The following THADA variants were observed in gnomAD, a reference collection of about 807,000 sequenced individuals.
The protein encoded by THADA is tRNA (32-2'-O)-methyltransferase regulator THADA.
Under a neutral mutation model 219.8 loss-of-function variants are expected in THADA, and 213 were observed. The observed-to-expected ratio is 0.97, with a 90% CI of 0.87 to 1.09. The LOEUF (loss-of-function observed/expected upper bound fraction) is 1.09. Ranked by LOEUF, THADA falls within the 50% of genes least tolerant of loss-of-function variation. The pLI, the probability that THADA is intolerant of heterozygous loss-of-function variation, is 0.00. For missense variants in THADA, 2,956 were observed against 2,311.3 expected (o/e 1.28, Z -5.72); for synonymous variants, 1,018 against 828.9 (o/e 1.23, Z -3.92).
At chr2:43,279,031 T>G (rs1488637923) in intron 36 of THADA, among the ~76,000 whole-genome samples, 2 of 152,208 alleles carry the variant, frequency 1.3e-5, no homozygotes, top group African/African-American at 4.8e-5. Flanking sequence ...CCCTCCCAGA[T>G]GGCCACTTGT....
chr2:43,334,145 G>A (rs566515888), intron 30 of THADA, among the ~76,000 whole-genome samples: 2 of 152,224 alleles, frequency 1.3e-5, no homozygotes, highest in East Asian at 3.9e-4. Flanking sequence ...GGCCCTTCAG[G>A]AGCACACCAC....
intron 15 of THADA, chr2:43,565,970 C>A: frequency 6.5e-6 from 1 of 153,412 alleles, no homozygotes; most frequent in Non-Finnish European, 1.4e-5. Context: ...CGCCTGAAGT[C>A]CCAGCTACTC....
intron 17 of THADA, chr2:43,556,021 A>G (rs1239440137): frequency 3.1e-6 from 1 of 326,548 alleles, no homozygotes; most frequent in Non-Finnish European, 4.6e-6. Flanking sequence ...GAAACAATAA[A>G]GATGGTCTGT....
chr2:43,374,359 T>C (rs1172503673), intron 29 of THADA, among the ~76,000 whole-genome samples: 2 of 152,224 alleles, frequency 1.3e-5, no homozygotes, highest in Non-Finnish European at 2.9e-5. Context: ...TTTCTAGCTA[T>C]ATGAGCCTCA....
intron 30 of THADA, among the ~76,000 whole-genome samples, chr2:43,335,267 T>G (rs776984439): frequency 6.6e-6 from 1 of 152,056 alleles, no homozygotes; most frequent in Non-Finnish European, 1.5e-5. Context: ...ATAAAAACAC[T>G]GGATAGATGG....
rs147651800 is a variant in THADA, at chr2:43,388,049, A to G, written c.4227+9922T>C. On this transcript the variant is annotated intron_variant, in intron 29 of 37. Coordinates refer to ENST00000405975, the MANE Select transcript of THADA (RefSeq NM_022065.5). ...TAGTAACTCAAATACGTTGGGTGCC[A>G]TAAATATATCTAAGAGCTATAGCAC... Among the ~76,000 whole-genome samples, 245 of 152,358 alleles carry G rather than the reference A, an allele frequency of 1.6e-3. 1 individual carries two copies. The highest frequency in any genetic ancestry group is 5.8e-3 in the African/African-American group (241 of 41,584).
In THADA at chr2:43,578,500, G is replaced by C. The variant is rs761117475; in HGVS notation, c.816+13C>G. The C allele has an allele frequency of 2.8e-5, 44 of 1,587,618 alleles. No homozygotes were observed. Among genetic ancestry groups the C allele is most frequent in the Non-Finnish European group, 3.4e-5 (39 of 1,157,936 alleles). On this transcript the variant is annotated intron_variant, in intron 9 of 37. Coordinates refer to ENST00000405975, the MANE Select transcript of THADA (RefSeq NM_022065.5). The stretch of plus-strand genomic sequence containing the variant: ...CTCAATAAAGTACAATTCTAAAAAG[G>C]AGATGCACTTACCAAATGAGGAATC...
chr2:43,400,460 T>A (rs1318582614), intron 28 of THADA, among the ~76,000 whole-genome samples: 1 of 138,972 alleles, frequency 7.2e-6, no homozygotes, highest in African/African-American at 2.8e-5. Context: ...GACAAATTTA[T>A]ATATATATAT....
intron 26 of THADA, among the ~76,000 whole-genome samples, chr2:43,457,735 T>A (rs184421447): frequency 4.4e-4 from 67 of 152,320 alleles, no homozygotes; most frequent in African/African-American, 1.5e-3. Flanking sequence ...AACACTTTTT[T>A]CTTTTGTCCA....
At chr2:43,234,856 A>G (rs1316896431) in intron 36 of THADA, among the ~76,000 whole-genome samples, 1 of 152,116 alleles carries the variant, frequency 6.6e-6, no homozygotes, top group Non-Finnish European at 1.5e-5. Context: ...TATTTTTTGT[A>G]GAGACTGGGT....
chr2:43,466,417 G>T (rs1166898824), intron 26 of THADA, among the ~76,000 whole-genome samples: 1 of 152,244 alleles, frequency 6.6e-6, no homozygotes, highest in East Asian at 1.9e-4. Context: ...CTTACAGGAA[G>T]TTTTGCCTAA....
chr2:43,477,316 C>T (rs1296139735), intron 26 of THADA, among the ~76,000 whole-genome samples: 1 of 152,110 alleles, frequency 6.6e-6, no homozygotes, highest in Non-Finnish European at 1.5e-5. Flanking sequence ...AATGCTCATA[C>T]TGCATGCTAT....
At chr2:43,514,678 AT>A (rs552737892) in intron 22 of THADA, among the ~76,000 whole-genome samples, 1,925 of 86,220 alleles carry the variant, frequency 0.022, 164 homozygotes, top group African/African-American at 0.056. Context: ...TATATAATAT[AT>A]TATATTATAT....
intron 17 of THADA, among the ~76,000 whole-genome samples, chr2:43,554,802 A>G (rs1011862370): frequency 6.6e-6 from 1 of 152,160 alleles, no homozygotes; most frequent in Non-Finnish European, 1.5e-5. Context: ...ACTCTTAGAC[A>G]TGTGCATTAG....
chr2:43,549,976 A>G (rs1404787578), intron 19 of THADA, among the ~76,000 whole-genome samples: 1 of 128,118 alleles, frequency 7.8e-6, no homozygotes, highest in Non-Finnish European at 1.8e-5. Flanking sequence ...CACATTATGT[A>G]ATATACTGCT....
At chr2:43,315,371 C>CA (rs756437099) in intron 31 of THADA, among the ~76,000 whole-genome samples, 3 of 152,184 alleles carry the variant, frequency 2.0e-5, no homozygotes, top group Non-Finnish European at 2.9e-5. Flanking sequence ...CTCCATTCCC[C>CA]ACTCCCTACC....
At chr2:43,591,544 C>A (rs1701571289) in intron 3 of THADA, among the ~76,000 whole-genome samples, 1 of 151,610 alleles carries the variant, frequency 6.6e-6, no homozygotes, top group Non-Finnish European at 1.5e-5. Context: ...ACCAGTAATA[C>A]ATTTACTTGC....
Position 43,492,106 on chromosome 2 carries a change from A to G in THADA, c.3744+6727T>C, listed in dbSNP as rs184656996. 3.4e-3 allele frequency: 511 copies of G among 152,352 alleles called. 11 individuals are homozygous for G. The highest frequency in any genetic ancestry group is 5.6e-3 in the East Asian group (29 of 5,184). 9.4% of individuals were successfully genotyped at this position (152,352 alleles called of 1,614,324 possible). A position where few individuals can be genotyped will look rare whatever the true frequency, so the allele number is the denominator to read the frequency against. The stretch of plus-strand genomic sequence containing the variant: ...GGCAGATGGATTGCTTGAGGTCAGG[A>G]GTTCGAGACCAGCCTGGCCGACATG... On this transcript the variant is annotated intron_variant, in intron 25 of 37. Transcript: ENST00000405975.
At chr2:43,431,036 T>C (rs1679198482) in intron 26 of THADA, among the ~76,000 whole-genome samples, 1 of 152,220 alleles carries the variant, frequency 6.6e-6, no homozygotes, top group Non-Finnish European at 1.5e-5. Flanking sequence ...GAAAGTAGAA[T>C]AGTTCCTCAG....
Sources: gnomAD v4.1 joint callset for allele counts (sites outside exome capture counted in the v4.1 genomes callset) on GRCh38, gnomAD v4.1.1 for gene constraint, MANE v1.5 for transcripts, NCBI Gene and HGNC (gene_info 2026-07-23, HGNC 2026-07-21) for gene names.